COBLL1: variants seen among roughly 807,000 people sequenced by gnomAD.
The protein encoded by COBLL1 is cordon-bleu protein-like 1.
COBLL1 carries 50 observed loss-of-function variants against 94.8 expected under a neutral mutation model. The observed-to-expected ratio is 0.53, with a 90% CI of 0.42 to 0.67. The LOEUF (loss-of-function observed/expected upper bound fraction) is 0.67, where lower values mean the gene tolerates loss of function less well. Ranked by LOEUF, COBLL1 falls within the 30% of genes least tolerant of loss-of-function variation. The pLI, the probability that COBLL1 is intolerant of heterozygous loss-of-function variation, is 0.00. For synonymous variants in COBLL1, 448 were observed against 473.8 expected, an observed-to-expected ratio of 0.95 and a Z score of 0.71; for missense variants, 1,362 against 1,348.7, an observed-to-expected ratio of 1.01 and a Z score of -0.15.
At chr2:164,712,832 A>G (rs1351459316) in intron 7 of COBLL1, among the ~76,000 whole-genome samples, 1 of 152,126 alleles carries the variant, frequency 6.6e-6, no homozygotes, top group African/African-American at 2.4e-5. Context: ...AATGTATATA[A>G]TGATGAGGAA....
chr2:164,735,508 C>CT (rs970059585), intron 3 of COBLL1, among the ~76,000 whole-genome samples: 3 of 152,144 alleles, frequency 2.0e-5, no homozygotes, highest in Non-Finnish European at 4.4e-5. Flanking sequence ...AAAGCTGACC[C>CT]TGACCACAAG....
intron 2 of COBLL1, among the ~76,000 whole-genome samples, chr2:164,777,676 G>A (rs1439952736): frequency 6.6e-6 from 1 of 152,106 alleles, no homozygotes; most frequent in Non-Finnish European, 1.5e-5. Context: ...ATTTCCTAAA[G>A]CAACTTTTAA....
intron 7 of COBLL1, among the ~76,000 whole-genome samples, chr2:164,721,030 T>C (rs1423628905): frequency 6.6e-6 from 1 of 152,244 alleles, no homozygotes; most frequent in African/African-American, 2.4e-5. Context: ...AGGTTAAGCA[T>C]TTTCAAAATT....
chr2:164,800,434 T>C, intron 2 of COBLL1: 1 of 642,914 alleles, frequency 1.6e-6, no homozygotes, highest in Non-Finnish European at 2.8e-6. Flanking sequence ...TTGGTGAGGA[T>C]GCAGATCAAA....
chr2:164,799,691 C>A (rs1319711081), intron 2 of COBLL1, among the ~76,000 whole-genome samples: 2 of 152,100 alleles, frequency 1.3e-5, no homozygotes, highest in Non-Finnish European at 2.9e-5. Flanking sequence ...AATTCAATTT[C>A]AAGACATTAT....
intron 2 of COBLL1, among the ~76,000 whole-genome samples, chr2:164,820,362 A>T (rs1018437388): frequency 4.6e-5 from 7 of 151,816 alleles, no homozygotes; most frequent in African/African-American, 1.7e-4. Context: ...TGGGACTACA[A>T]GAAAATGTCA....
At chr2:164,676,158 C>T (rs983879424), downstream of COBLL1, among the ~76,000 whole-genome samples, 3 of 151,872 alleles carry the variant, frequency 2.0e-5, no homozygotes, top group Admixed American at 6.6e-5. Context: ...AAGTGTTTTC[C>T]GAATTTAAGA....
intron 2 of COBLL1, among the ~76,000 whole-genome samples, chr2:164,818,182 GTA>G (rs1198672684): frequency 3.5e-5 from 5 of 144,050 alleles, no homozygotes; most frequent in African/African-American, 1.3e-4. Context: ...ACGTATACAC[GTA>G]TATATACGTA....
At chr2:164,763,607 G>A (rs985715716) in intron 2 of COBLL1, among the ~76,000 whole-genome samples, 1 of 151,932 alleles carries the variant, frequency 6.6e-6, no homozygotes, top group African/African-American at 2.4e-5. Flanking sequence ...ATCAAATTAT[G>A]GTACATCCAC....
intron 2 of COBLL1, among the ~76,000 whole-genome samples, chr2:164,789,321 G>A (rs954934835): frequency 3.9e-5 from 6 of 152,174 alleles, no homozygotes; most frequent in Non-Finnish European, 8.8e-5. Flanking sequence ...GACCTGGCCA[G>A]TAGATGGAAG....
chr2:164,790,310 C>T (rs1683123287), intron 2 of COBLL1, among the ~76,000 whole-genome samples: 1 of 152,106 alleles, frequency 6.6e-6, no homozygotes, highest in East Asian at 1.9e-4. Flanking sequence ...GGATGGCTTC[C>T]TGCCTTGCAC....
Position 164,820,638 on chromosome 2 carries a change from G to C in COBLL1, c.41+20518C>G, listed in dbSNP as rs575047878. On this transcript the variant is annotated intron_variant, in intron 2 of 13. Coordinates refer to ENST00000652658, the MANE Select transcript of COBLL1 (RefSeq NM_001365672.2). ...GTAATGTATTCATACTGTTCAGCTA[G>C]CTTCAGTAAGAATACCTGCATTTAT... is the stretch of plus-strand genomic sequence containing the variant. 8.7e-4 allele frequency among the ~76,000 whole-genome samples: 132 copies of C among 152,264 alleles called. 4 individuals carry two copies. The South Asian group carries it at 0.022, about 25-fold the overall frequency.
Position 164,680,558 on chromosome 2 carries a change from C to G in COBLL1, c.*5388G>C, listed in dbSNP as rs1351252892. On this transcript the variant is annotated 3_prime_UTR_variant, in exon 14 of 14. Coordinates refer to ENST00000652658, the MANE Select transcript of COBLL1 (RefSeq NM_001365672.2). ...TCTTGGTTTCTTGACTTAGGGAGTC[C>G]TGGGCCTGCTCACTTCTATTACTCA... 6.6e-6 allele frequency: 1 copy of G among 152,054 alleles called. No homozygotes were observed. The highest frequency in any genetic ancestry group is 1.5e-5 in the Non-Finnish European group (1 of 68,012). The allele number at this position is 152,054 out of a possible 1,614,324, so 9.4% of individuals were successfully genotyped here. A position where few individuals can be genotyped will look rare whatever the true frequency, so the allele number is the denominator to read the frequency against.
At chr2:164,725,380 T>C (rs568065864) in intron 5 of COBLL1, among the ~76,000 whole-genome samples, 23 of 152,234 alleles carry the variant, frequency 1.5e-4, no homozygotes, top group Non-Finnish European at 2.5e-4. Context: ...AAAATTCATA[T>C]GGTTGTGCAA....
At chr2:164,677,083 C>A (rs556904900), downstream of COBLL1, among the ~76,000 whole-genome samples, 1 of 152,186 alleles carries the variant, frequency 6.6e-6, no homozygotes, top group East Asian at 1.9e-4. Flanking sequence ...TATCAAGCCT[C>A]CTTTTAAAAA....
At chr2:164,829,406 G>T (rs976598518) in intron 2 of COBLL1, among the ~76,000 whole-genome samples, 7 of 152,014 alleles carry the variant, frequency 4.6e-5, no homozygotes, top group Non-Finnish European at 8.8e-5. Flanking sequence ...AATATATTTT[G>T]CTTGTTTTCT....
chr2:164,705,231 A>C, intron 7 of COBLL1, 126 bp from the exon 8 acceptor site: 1 of 643,670 alleles, frequency 1.6e-6, no homozygotes, highest in Non-Finnish European at 2.3e-6. Flanking sequence ...TTCCTTAAAA[A>C]CGTTTATGAA....
At chr2:164,790,592 A>C (rs1683139363) in intron 2 of COBLL1, among the ~76,000 whole-genome samples, 1 of 152,204 alleles carries the variant, frequency 6.6e-6, no homozygotes, top group Non-Finnish European at 1.5e-5. Context: ...TGAAGTTTCC[A>C]CGAACCCAGT....
At chr2:164,755,352 G>C (rs1203830441) in intron 2 of COBLL1, among the ~76,000 whole-genome samples, 2 of 152,038 alleles carry the variant, frequency 1.3e-5, no homozygotes, top group Admixed American at 6.6e-5. Flanking sequence ...AAAATTTTTT[G>C]AGTCAAAAAC....
Sources: allele counts gnomAD v4.1 joint callset (sites outside exome capture counted in the v4.1 genomes callset), GRCh38; gene constraint gnomAD v4.1.1; transcripts MANE v1.5; gene names NCBI Gene and HGNC (gene_info 2026-07-23, HGNC 2026-07-21).